Variants in COMMD10 observed in about 807,000 individuals in gnomAD.
COMMD10 encodes the protein COMM domain containing 10, also known as COMM domain-containing protein 10.
In COMMD10, 33 loss-of-function variants were observed where a neutral mutation model predicts 28.9. The observed-to-expected ratio is 1.14, with a 90% CI of 0.87 to 1.53. COMMD10 has a LOEUF of 1.53. Ranked by LOEUF, COMMD10 falls within the 40% of genes most tolerant of loss-of-function variation. The probability of loss-of-function intolerance (pLI) is 0.00; values close to 1 mark genes in which losing one functional copy is unlikely to be tolerated. For missense variants in COMMD10, 310 were observed against 233.4 expected (o/e 1.33, Z -2.14); for synonymous variants, 110 against 81.7 (o/e 1.35, Z -1.87).
intron 5 of COMMD10, among the ~76,000 whole-genome samples, chr5:116,279,379 G>T (rs2112706334): frequency 6.6e-6 from 1 of 151,982 alleles, no homozygotes; most frequent in East Asian, 1.9e-4. Flanking sequence ...CTGGGAAAAT[G>T]CCTTTTGTTG....
intron 5 of COMMD10, among the ~76,000 whole-genome samples, chr5:116,235,163 A>G (rs758639503): frequency 2.0e-5 from 3 of 152,212 alleles, no homozygotes; most frequent in Non-Finnish European, 4.4e-5. Flanking sequence ...AACTGATACA[A>G]TTGAGAAGAG....
At chr5:116,123,126 G>A (rs918541572) in intron 4 of COMMD10, among the ~76,000 whole-genome samples, 3 of 151,768 alleles carry the variant, frequency 2.0e-5, no homozygotes, top group Non-Finnish European at 4.4e-5. Context: ...GTCATAAATA[G>A]CTCTTATTAT....
intron 5 of COMMD10, among the ~76,000 whole-genome samples, chr5:116,170,639 T>C (rs10478290): frequency 0.028 from 4,303 of 152,146 alleles, 190 homozygotes; most frequent in African/African-American, 0.094. Context: ...AAAACAGATA[T>C]ATATACCAGT....
At chr5:116,261,483 ACT>A (rs1750442508) in intron 5 of COMMD10, among the ~76,000 whole-genome samples, 1 of 150,920 alleles carries the variant, frequency 6.6e-6, no homozygotes, top group East Asian at 2.0e-4. Context: ...ACTTAGTAAA[ACT>A]CTTTTATCAA....
chr5:116,136,201 C>T (rs17138925), intron 5 of COMMD10, among the ~76,000 whole-genome samples: 2 of 151,992 alleles, frequency 1.3e-5, no homozygotes, highest in Non-Finnish European at 2.9e-5. Flanking sequence ...TTATATTTTT[C>T]ACATGTATCC....
At chr5:116,256,630 T>C (rs1750293002) in intron 5 of COMMD10, among the ~76,000 whole-genome samples, 1 of 151,836 alleles carries the variant, frequency 6.6e-6, no homozygotes, top group African/African-American at 2.4e-5. Context: ...GTTTCAGATT[T>C]TGGATTTTTT....
intron 5 of COMMD10, among the ~76,000 whole-genome samples, chr5:116,192,387 A>C (rs1484595648): frequency 1.3e-5 from 2 of 152,084 alleles, no homozygotes; most frequent in African/African-American, 4.8e-5. Context: ...CACCAGAGAA[A>C]GGTGAAGCCC....
chr5:116,140,706 C>T lies in COMMD10; in HGVS notation c.510+6528C>T, dbSNP rs117276678. ...GAACATCTTTTCATGTATCTGTTGG[C>T]CATTTTTATGTCTTCTTTGGAGAAA... On this transcript the variant is annotated intron_variant, in intron 5 of 6. Transcript: ENST00000274458. Among the ~76,000 whole-genome samples the T allele has an allele frequency of 1.2e-3, 175 of 151,832 alleles. 4 individuals are homozygous for T. In the East Asian group the frequency reaches 0.033, roughly 29 times the overall value.
intron 5 of COMMD10, among the ~76,000 whole-genome samples, chr5:116,256,714 T>C (rs1374439312): frequency 6.6e-6 from 1 of 151,894 alleles, no homozygotes; most frequent in Admixed American, 6.6e-5. Flanking sequence ...TGAATTCATT[T>C]ATTTTTTATG....
intron 5 of COMMD10, among the ~76,000 whole-genome samples, chr5:116,265,911 T>G (rs1353736128): frequency 6.6e-6 from 1 of 151,798 alleles, no homozygotes; most frequent in African/African-American, 2.4e-5. Flanking sequence ...CCTTTCATCC[T>G]ACTAGAAAAG....
intron 5 of COMMD10, among the ~76,000 whole-genome samples, chr5:116,248,288 C>G (rs1217223497): frequency 6.6e-6 from 1 of 151,902 alleles, no homozygotes; most frequent in African/African-American, 2.4e-5. Flanking sequence ...AGCTTTTGGA[C>G]AGCATTGAAA....
chr5:116,232,471 C>T (rs928782555), intron 5 of COMMD10, among the ~76,000 whole-genome samples: 1 of 152,028 alleles, frequency 6.6e-6, no homozygotes, highest in South Asian at 2.1e-4. Context: ...AAAAGGACCT[C>T]GGCATAAGTG....
At chr5:116,166,348 A>AT (rs1328270233) in intron 5 of COMMD10, among the ~76,000 whole-genome samples, 5 of 152,050 alleles carry the variant, frequency 3.3e-5, no homozygotes, top group South Asian at 2.1e-4. Flanking sequence ...AGACATACCC[A>AT]TTTTTTTCAG....
chr5:116,124,281 T>C (rs980850215), intron 4 of COMMD10, among the ~76,000 whole-genome samples: 6 of 152,218 alleles, frequency 3.9e-5, no homozygotes, highest in African/African-American at 9.6e-5. Context: ...TTTGTTCTTA[T>C]TGGATTCAAA....
At chr5:116,092,961 C>T (rs971227272) in intron 4 of COMMD10, among the ~76,000 whole-genome samples, 6 of 152,072 alleles carry the variant, frequency 3.9e-5, no homozygotes, top group Non-Finnish European at 7.4e-5. Flanking sequence ...AACTATCGCT[C>T]GCTGCCATTG....
At chr5:116,213,105 T>C (rs900055985) in intron 5 of COMMD10, among the ~76,000 whole-genome samples, 4 of 152,116 alleles carry the variant, frequency 2.6e-5, no homozygotes, top group African/African-American at 9.7e-5. Context: ...TGGCCTGCTT[T>C]CTGCTAGAAT....
chr5:116,093,751 C>T (rs1750379040), intron 4 of COMMD10, among the ~76,000 whole-genome samples: 2 of 152,158 alleles, frequency 1.3e-5, no homozygotes, highest in African/African-American at 2.4e-5. Context: ...AAGCTGGAGG[C>T]ATCATATTCC....
At chr5:116,097,721 TGGCTTCTGGGGA>T (rs776680572) in intron 4 of COMMD10, among the ~76,000 whole-genome samples, 2 of 152,134 alleles carry the variant, frequency 1.3e-5, no homozygotes, top group Non-Finnish European at 2.9e-5. Flanking sequence ...GGCATCTGCT[TGGCTTCTGGGGA>T]GGCCTCAGGA....
chr5:116,203,562 C>T (rs1748729636), intron 5 of COMMD10, among the ~76,000 whole-genome samples: 1 of 152,060 alleles, frequency 6.6e-6, no homozygotes, highest in Non-Finnish European at 1.5e-5. Context: ...CTCTACAAGC[C>T]AGAAGAGAGT....
Sources: gnomAD v4.1 joint callset for allele counts (sites outside exome capture counted in the v4.1 genomes callset) on GRCh38, gnomAD v4.1.1 for gene constraint, MANE v1.5 for transcripts, NCBI Gene and HGNC (gene_info 2026-07-23, HGNC 2026-07-21) for gene names.